Variants in CADM2 observed in about 807,000 individuals in gnomAD.
CADM2 encodes the protein cell adhesion molecule 2, also known as immunoglobulin superfamily member 4D.
In CADM2, 12 loss-of-function variants were observed where a neutral mutation model predicts 49.8. That is an observed-to-expected ratio of 0.24 (90% confidence interval 0.15 to 0.39). The LOEUF (loss-of-function observed/expected upper bound fraction) is 0.39, where lower values mean the gene tolerates loss of function less well. CADM2 is among the 10% of genes least tolerant of loss of function. The pLI is 1.00. For missense variants in CADM2, 378 were observed against 492.3 expected (o/e 0.77, Z 2.20); for synonymous variants, 214 against 175.4 (o/e 1.22, Z -1.74).
intron 8 of CADM2, chr3:85,992,071 T>A (rs1728838353): frequency 6.6e-6 from 1 of 151,812 alleles, no homozygotes; most frequent in Non-Finnish European, 1.5e-5. Context: ...TTAGTGTATT[T>A]TTCATTTTAA....
At chr3:85,778,213 C>T (rs568701763) in intron 2 of CADM2, among the ~76,000 whole-genome samples, 2 of 152,090 alleles carry the variant, frequency 1.3e-5, no homozygotes, top group African/African-American at 4.8e-5. Flanking sequence ...GCATTATTTA[C>T]AAATGATGCC....
At chr3:85,460,994 C>T (rs970726376) in intron 1 of CADM2, among the ~76,000 whole-genome samples, 12 of 152,026 alleles carry the variant, frequency 7.9e-5, no homozygotes, top group African/African-American at 2.9e-4. Flanking sequence ...ATTATTTTTG[C>T]CTGTGAGTTC....
chr3:85,898,957 T>TATA, intron 5 of CADM2, among the ~76,000 whole-genome samples: 1 of 28,494 alleles, frequency 3.5e-5, no homozygotes, highest in South Asian at 1.3e-3. Context: ...ATATATATAT[T>TATA]TTTTTTTTTT....
At chr3:85,720,805 G>C (rs1199202926) in intron 1 of CADM2, among the ~76,000 whole-genome samples, 3 of 152,166 alleles carry the variant, frequency 2.0e-5, no homozygotes, top group Admixed American at 2.0e-4. Context: ...AAGGTAGGCA[G>C]TTATCTAGCC....
chr3:85,983,714 T>G (rs557231815), intron 8 of CADM2, among the ~76,000 whole-genome samples: 49 of 151,758 alleles, frequency 3.2e-4, no homozygotes, highest in African/African-American at 1.1e-3. Context: ...TCAATTCTAT[T>G]TTTTTGATTG....
chr3:85,747,118 C>T (rs1431848156), intron 2 of CADM2, among the ~76,000 whole-genome samples: 2 of 151,952 alleles, frequency 1.3e-5, no homozygotes, highest in Admixed American at 1.3e-4. Flanking sequence ...AGAAATACTA[C>T]AGATAACATC....
chr3:85,159,114 A>T (rs1444654259), intron 1 of CADM2, among the ~76,000 whole-genome samples: 1 of 152,154 alleles, frequency 6.6e-6, no homozygotes, highest in Non-Finnish European at 1.5e-5. Flanking sequence ...TTACTTAATC[A>T]TTTGCAAATT....
At chr3:85,552,211 A>G (rs1046553978) in intron 1 of CADM2, among the ~76,000 whole-genome samples, 1 of 152,106 alleles carries the variant, frequency 6.6e-6, no homozygotes, top group African/African-American at 2.4e-5. Flanking sequence ...ATGATAATTG[A>G]CTCATTAAAG....
At chr3:86,022,704 A>T (rs1484400614) in intron 8 of CADM2, among the ~76,000 whole-genome samples, 2 of 152,094 alleles carry the variant, frequency 1.3e-5, no homozygotes, top group Non-Finnish European at 2.9e-5. Context: ...GCACTTAGAG[A>T]GCGTCCTCAT....
At chr3:85,830,589 T>C (rs2074138992) in intron 3 of CADM2, among the ~76,000 whole-genome samples, 1 of 151,826 alleles carries the variant, frequency 6.6e-6, no homozygotes, top group Non-Finnish European at 1.5e-5. Flanking sequence ...ATTCAAAATA[T>C]TCATTATGAA....
Position 85,264,473 on chromosome 3 carries a change from T to C in CADM2, c.61+304805T>C, listed in dbSNP as rs368248939. Among the ~76,000 whole-genome samples the C allele has an allele frequency of 2.0e-5, 3 of 152,238 alleles. No individual in the cohort carries two copies. The East Asian group carries it at 5.8e-4, about 29-fold the overall frequency. ...TTATATCATATCAACAGTAAAATTG[T>C]TTATTCCTTTTCTTTGGGACTATTC... On this transcript the variant is annotated intron_variant, in intron 1 of 9. Transcript: ENST00000383699.
chr3:86,005,531 A>G (rs1278103543), intron 8 of CADM2, among the ~76,000 whole-genome samples: 5 of 150,872 alleles, frequency 3.3e-5, no homozygotes, highest in Non-Finnish European at 7.4e-5. Context: ...AGCCTGAGCA[A>G]CAACAGCGAG....
At chr3:85,075,168 T>C (rs990389331) in intron 1 of CADM2, among the ~76,000 whole-genome samples, 2 of 151,882 alleles carry the variant, frequency 1.3e-5, no homozygotes, top group African/African-American at 4.8e-5. Context: ...GAAGGACATG[T>C]GCCTCTCAAA....
At chr3:85,636,575 T>A (rs1304991240) in intron 1 of CADM2, among the ~76,000 whole-genome samples, 4 of 152,122 alleles carry the variant, frequency 2.6e-5, no homozygotes, top group Non-Finnish European at 5.9e-5. Flanking sequence ...GTTGATCAAG[T>A]CTACAGTAAT....
intron 1 of CADM2, among the ~76,000 whole-genome samples, chr3:85,054,744 A>G (rs1181256891): frequency 6.6e-6 from 1 of 151,976 alleles, no homozygotes; most frequent in East Asian, 1.9e-4. Context: ...ATGTACAGAC[A>G]TAGACTTTAA....
intron 8 of CADM2, among the ~76,000 whole-genome samples, chr3:86,064,203 C>G: frequency 6.6e-6 from 1 of 152,050 alleles, no homozygotes; most frequent in Non-Finnish European, 1.5e-5. Context: ...TATCCCTCCC[C>G]TCTTCCCCCA....
intron 1 of CADM2, among the ~76,000 whole-genome samples, chr3:85,427,017 A>G (rs1162783675): frequency 6.6e-6 from 1 of 151,852 alleles, no homozygotes; most frequent in African/African-American, 2.4e-5. Context: ...AATTATTTCT[A>G]AGAGGAAAAG....
intron 1 of CADM2, among the ~76,000 whole-genome samples, chr3:85,626,778 C>T (rs1274065707): frequency 2.0e-5 from 3 of 152,094 alleles, no homozygotes; most frequent in African/African-American, 7.2e-5. Flanking sequence ...CATTTTCCCC[C>T]CTTTCTTTTC....
At chr3:85,492,777 GT>G (rs1441184726) in intron 1 of CADM2, among the ~76,000 whole-genome samples, 1 of 99,288 alleles carries the variant, frequency 1.0e-5, no homozygotes, top group Non-Finnish European at 2.3e-5. Context: ...GTATCTACAT[GT>G]TAACACTTTT....
Sources: gnomAD v4.1 joint callset for allele counts (sites outside exome capture counted in the v4.1 genomes callset) on GRCh38, gnomAD v4.1.1 for gene constraint, MANE v1.5 for transcripts, NCBI Gene and HGNC (gene_info 2026-07-23, HGNC 2026-07-21) for gene names.